Variants in HDAC5 observed in about 807,000 individuals in gnomAD.
HDAC5 encodes antigen NY-CO-9.
HDAC5 carries 25 observed loss-of-function variants against 133.3 expected under a neutral mutation model. That is an observed-to-expected ratio of 0.19 (90% confidence interval 0.14 to 0.26). The LOEUF (loss-of-function observed/expected upper bound fraction) is 0.26, where lower values mean the gene tolerates loss of function less well. HDAC5 is among the 10% of genes least tolerant of loss of function. The pLI, the probability that HDAC5 is intolerant of heterozygous loss-of-function variation, is 1.00. For missense variants in HDAC5, 1,041 were observed against 1,460.5 expected, an observed-to-expected ratio of 0.71 and a Z score of 4.68; for synonymous variants, 589 against 610.8, an observed-to-expected ratio of 0.96 and a Z score of 0.53.
chr17:44,087,145 A>G (rs1171404736), intron 13 of HDAC5, among the ~76,000 whole-genome samples: 2 of 151,638 alleles, frequency 1.3e-5, no homozygotes, highest in Non-Finnish European at 2.9e-5. Context: ...ATGCATACAC[A>G]GACACACAAG....
chr17:44,100,849 C>T (rs1597994808), intron 3 of HDAC5, among the ~76,000 whole-genome samples: 1 of 149,112 alleles, frequency 6.7e-6, no homozygotes, highest in Non-Finnish European at 1.5e-5. Flanking sequence ...AGTGCAGTGG[C>T]GTGATCTCGG....
chr17:44,087,237 G>C (rs938488112), intron 13 of HDAC5, among the ~76,000 whole-genome samples, 175 bp downstream of exon 13: 1 of 151,900 alleles, frequency 6.6e-6, no homozygotes, highest in African/African-American at 2.4e-5. Context: ...AACACAAACA[G>C]CTCCCCCTTC....
In HDAC5 at chr17:44,123,623, C is replaced by T. The variant is rs973520248; in HGVS notation, c.-309G>A. ...CGGCGGCTCCTCCGGCTCCGCTCGC[C>T]GCCGCCACCAACAACAACATTCGGA... On this transcript the variant is annotated 5_prime_UTR_variant, in exon 1 of 27. Coordinates refer to ENST00000682912, the MANE Select transcript of HDAC5 (RefSeq NM_005474.5). 2.2e-4 allele frequency: 89 copies of T among 396,820 alleles called. No homozygotes were observed. The highest frequency in any genetic ancestry group is 5.3e-4 in the Admixed American group (12 of 22,666). The allele number at this position is 396,820 out of a possible 1,614,324, so 24.6% of individuals were successfully genotyped here.
intron 2 of HDAC5, chr17:44,116,064 G>A (rs779563345): frequency 6.6e-6 from 1 of 152,250 alleles, no homozygotes; most frequent in Non-Finnish European, 1.5e-5. Flanking sequence ...AAACCCCAAA[G>A]CTGGGAAAAA....
rs869274112 is a variant in HDAC5 at position 44,100,578 on chromosome 17, CAA to C, written c.95-6746_95-6745del. 5.9e-3 allele frequency among the ~76,000 whole-genome samples: 528 copies of C among 89,348 alleles called. 4 individuals carry two copies. The highest frequency in any genetic ancestry group is 0.025 in the African/African-American group (516 of 20,908). The allele number at this position is 89,348 out of a possible 152,430, so 58.6% of individuals were successfully genotyped here. ...TGAAACCCCGTCTCTACTAAAGATA[CAA>C]AAAAAAAAAAAAAAAAAAAAATTAG... On this transcript the variant is annotated intron_variant, in intron 3 of 26. Coordinates refer to ENST00000682912, the MANE Select transcript of HDAC5 (RefSeq NM_005474.5).
intron 2 of HDAC5, among the ~76,000 whole-genome samples, chr17:44,114,593 C>T (rs996752840): frequency 6.6e-5 from 10 of 152,246 alleles, no homozygotes; most frequent in African/African-American, 2.2e-4. Flanking sequence ...GGCCCCGCTG[C>T]CACCCAGACT....
At chr17:44,113,695 C>T (rs2052476632) in intron 2 of HDAC5, among the ~76,000 whole-genome samples, 1 of 152,172 alleles carries the variant, frequency 6.6e-6, no homozygotes, top group Non-Finnish European at 1.5e-5. Context: ...TCACTCTGCC[C>T]CTCCCTCAAA....
intron 2 of HDAC5, chr17:44,111,592 TA>T: frequency 1.9e-6 from 1 of 517,644 alleles, no homozygotes; most frequent in Middle Eastern, 4.2e-4. Context: ...CCAGAACAGG[TA>T]AAGGAATTGG....
At chr17:44,087,297 C>T in intron 13 of HDAC5, 115 bp downstream of exon 13, 1 of 664,028 alleles carries the variant, frequency 1.5e-6, no homozygotes, top group Non-Finnish European at 2.8e-6. Flanking sequence ...CAGAAAGCTG[C>T]TCCTGCACAG....
chr17:44,090,059 C>A (rs1239896306), intron 11 of HDAC5, among the ~76,000 whole-genome samples: 3 of 151,848 alleles, frequency 2.0e-5, no homozygotes, highest in Non-Finnish European at 4.4e-5. Flanking sequence ...ATGGTGAAAC[C>A]CCAGCTCTAT....
chr17:44,091,260 G>A lies in HDAC5; in HGVS notation c.1387+10C>T, dbSNP rs563089104. On this transcript the variant is annotated intron_variant, in intron 11 of 26. Transcript: ENST00000682912. ...AGCCCCCTCCCTTGCACAGCTACCT[G>A]TCCACTCACCAGCAATGAGGGTGCT... The A allele has an allele frequency of 6.2e-7, 1 of 1,603,478 alleles. No individual in the cohort carries two copies.
intron 11 of HDAC5, 104 bp from the exon 12 acceptor site, chr17:44,088,702 C>T: frequency 1.4e-6 from 2 of 1,460,324 alleles, no homozygotes; most frequent in Non-Finnish European, 1.8e-6. Flanking sequence ...CATATCACCA[C>T]CTATATACTC....
At position 44,105,346 on chromosome 17, in the gene HDAC5, A is replaced by T. The variant is rs1400604968; in HGVS notation, c.94+5383T>A. On this transcript the variant is annotated intron_variant, in intron 3 of 26. Coordinates refer to ENST00000682912, the MANE Select transcript of HDAC5 (RefSeq NM_005474.5). Reference sequence around the variant, plus strand: ...AGAGCCCTGATGGAAGGCATAAAACATCTCTCACTGGTGCAAATAGAGTTA... The same window carrying T: ...AGAGCCCTGATGGAAGGCATAAAACTTCTCTCACTGGTGCAAATAGAGTTA... Among the ~76,000 whole-genome samples, 3 of 152,314 alleles carry T rather than the reference A, an allele frequency of 2.0e-5. No individual in the cohort carries two copies. In the East Asian group the frequency reaches 5.8e-4, roughly 29 times the overall value.
At chr17:44,094,251 G>T (rs1438344971) in intron 3 of HDAC5, among the ~76,000 whole-genome samples, 1 of 151,980 alleles carries the variant, frequency 6.6e-6, no homozygotes, top group African/African-American at 2.4e-5. Flanking sequence ...TGAACCCCGG[G>T]AGGCGGAGGT....
chr17:44,101,421 A>AAAAG (rs1491003087), intron 3 of HDAC5, among the ~76,000 whole-genome samples: 1 of 150,970 alleles, frequency 6.6e-6, no homozygotes, highest in East Asian at 1.9e-4. Flanking sequence ...AAAAAAAAAA[A>AAAAG]AAAAAAAAAA....
At position 44,078,116 on chromosome 17, in the gene HDAC5, C is replaced by G; in HGVS notation, c.*260G>C. ...GCCCAGGCTCCAAGGAGGAAAAGGACAGACAGAATGCAGGAAAATGGGGGG... is the reference window on the plus strand; with the variant it reads ...GCCCAGGCTCCAAGGAGGAAAAGGAGAGACAGAATGCAGGAAAATGGGGGG... On this transcript the variant is annotated 3_prime_UTR_variant, in exon 27 of 27. Coordinates refer to ENST00000682912, the MANE Select transcript of HDAC5 (RefSeq NM_005474.5). The G allele has an allele frequency of 2.6e-6, 1 of 388,188 alleles. No individual in the cohort carries two copies. Among genetic ancestry groups the G allele is most frequent in the East Asian group, 3.9e-5 (1 of 25,650 alleles). 24.0% of individuals were successfully genotyped at this position (388,188 alleles called of 1,614,324 possible).
At chr17:44,119,718 G>C (rs1435941067) in intron 1 of HDAC5, among the ~76,000 whole-genome samples, 1 of 152,222 alleles carries the variant, frequency 6.6e-6, no homozygotes, top group Non-Finnish European at 1.5e-5. Context: ...AGTGTTCATG[G>C]TCTGATCGGG....
intron 3 of HDAC5, among the ~76,000 whole-genome samples, chr17:44,105,304 C>G (rs1241526175): frequency 6.6e-6 from 1 of 152,138 alleles, no homozygotes; most frequent in Non-Finnish European, 1.5e-5. Flanking sequence ...CTCTGAAGGA[C>G]CTTAAGCTCG....
chr17:44,097,505 T>G lies in HDAC5; in HGVS notation c.95-3671A>C, dbSNP rs2051344273. Among the ~76,000 whole-genome samples the G allele has an allele frequency of 6.6e-5, 10 of 152,316 alleles. No individual in the cohort carries two copies. In the South Asian group the frequency reaches 2.1e-3, roughly 32 times the overall value. On this transcript the variant is annotated intron_variant, in intron 3 of 26. Transcript: ENST00000682912. ...CCTTGGAAACTGCAGAAGGCCTTCC[T>G]GGAGGTAACTAGCCACAGCCCACGA...
Sources: allele counts gnomAD v4.1 joint callset (sites outside exome capture counted in the v4.1 genomes callset), GRCh38; gene constraint gnomAD v4.1.1; transcripts MANE v1.5; gene names NCBI Gene and HGNC (gene_info 2026-07-23, HGNC 2026-07-21).